SCUBE1: variants seen among roughly 807,000 people sequenced by gnomAD.
The protein encoded by SCUBE1 is signal peptide, CUB domain and EGF like domain containing 1, also known as signal peptide, CUB and EGF-like domain-containing protein 1.
In SCUBE1, 59 loss-of-function variants were observed where a neutral mutation model predicts 124.4. That is an observed-to-expected ratio of 0.47 (90% confidence interval 0.38 to 0.59). SCUBE1 has a LOEUF of 0.59. Ranked by LOEUF, SCUBE1 falls within the 20% of genes least tolerant of loss-of-function variation. SCUBE1 has a pLI of 0.00. For synonymous variants in SCUBE1, 545 were observed against 550.9 expected, an observed-to-expected ratio of 0.99 and a Z score of 0.15; for missense variants, 1,150 against 1,371.2, an observed-to-expected ratio of 0.84 and a Z score of 2.55.
At chr22:43,217,603 T>C (rs1404410541) in intron 15 of SCUBE1, among the ~76,000 whole-genome samples, 1 of 152,146 alleles carries the variant, frequency 6.6e-6, no homozygotes, top group Non-Finnish European at 1.5e-5. Flanking sequence ...TCAAGAGTGG[T>C]GTCTGCCAGG....
At chr22:43,214,375 C>T (rs1242371243) in intron 15 of SCUBE1, 124 bp from the exon 16 acceptor site, 36 of 923,372 alleles carry the variant, frequency 3.9e-5, no homozygotes, top group Non-Finnish European at 5.5e-5. Context: ...CCCAAGGACA[C>T]AGAGGGGCCC....
At chr22:43,206,121 A>C (rs1390524797) in intron 21 of SCUBE1, among the ~76,000 whole-genome samples, 32 of 37,002 alleles carry the variant, frequency 8.6e-4, no homozygotes, top group Non-Finnish European at 9.8e-4. Flanking sequence ...CCACACCCCC[A>C]CCCACTACAC....
In SCUBE1 at chr22:43,203,171, T is replaced by G. The variant is rs1172798577; in HGVS notation, c.*826A>C. On this transcript the variant is annotated 3_prime_UTR_variant, in exon 22 of 22. Coordinates refer to ENST00000360835, the MANE Select transcript of SCUBE1 (RefSeq NM_173050.5). ...AGCAAGTCCAAGGCAAGCTGTGCTC[T>G]CCCCAGCCCCAAGGGCTGCCGGCCT... 6.6e-6 allele frequency: 1 copy of G among 151,982 alleles called. No homozygotes were observed. The allele number at this position is 151,982 out of a possible 1,614,324, so 9.4% of individuals were successfully genotyped here.
At chr22:43,307,995 GTCCCCCCACCCAA>G (rs1397588577) in intron 3 of SCUBE1, among the ~76,000 whole-genome samples, 1 of 151,770 alleles carries the variant, frequency 6.6e-6, no homozygotes, top group Admixed American at 6.6e-5. Flanking sequence ...ACACCCCACA[GTCCCCCCACCCAA>G]TCCCAAGCAG....
chr22:43,341,718 G>A (rs1927322273), intron 1 of SCUBE1, among the ~76,000 whole-genome samples: 4 of 152,198 alleles, frequency 2.6e-5, no homozygotes. Context: ...TCCCGCTCCT[G>A]TCTGGGCTGG....
rs376969963 is a variant in SCUBE1, at chr22:43,210,107, C to T, written c.2517G>A (p.Val839=). Reference sequence around the variant, plus strand: ...CGATGGGCAGGAAGATCTCAGGGACCACGATGAGGATCCTGCGCTTTGGGG... The same window carrying T: ...CGATGGGCAGGAAGATCTCAGGGACTACGATGAGGATCCTGCGCTTTGGGG... ...APPPKRRILI[V]VPEIFLPIED... Residue 839 remains valine, a synonymous_variant, in exon 19 of 22, where the codon GTG becomes GTA. Transcript: ENST00000360835. This position sits in a 1 kb window ranked among gnomAD's most constrained non-coding sequence, Gnocchi z 4.5. 1.3e-5 allele frequency: 21 copies of T among 1,612,878 alleles called. No individual in the cohort carries two copies. In the African/African-American group the frequency reaches 2.5e-4, roughly 19 times the overall value.
In SCUBE1 at chr22:43,241,597, G is replaced by T. The variant is rs188574932; in HGVS notation, c.728-2643C>A. 1.6e-4 allele frequency among the ~76,000 whole-genome samples: 24 copies of T among 152,166 alleles called. No homozygotes were observed. The East Asian group carries it at 4.1e-3, about 26-fold the overall frequency. On this transcript the variant is annotated intron_variant, in intron 6 of 21. Coordinates refer to ENST00000360835, the MANE Select transcript of SCUBE1 (RefSeq NM_173050.5). ...GCTCCTCCCCCAGTGCTCCCTGTCT[G>T]CAGGAATGCTACTCCTACCTGCCCC...
intron 10 of SCUBE1, among the ~76,000 whole-genome samples, chr22:43,225,189 A>C (rs908411840): frequency 2.0e-5 from 3 of 149,036 alleles, no homozygotes; most frequent in Non-Finnish European, 4.5e-5. Context: ...TTATCGCATC[A>C]CCCCCCCACT....
At chr22:43,246,252 G>A (rs1287161628) in intron 6 of SCUBE1, among the ~76,000 whole-genome samples, 1 of 152,136 alleles carries the variant, frequency 6.6e-6, no homozygotes, top group East Asian at 1.9e-4. Flanking sequence ...GGGTGCTTAG[G>A]GCAGACAAGG....
intron 2 of SCUBE1, among the ~76,000 whole-genome samples, chr22:43,321,182 C>A (rs893477898): frequency 6.6e-6 from 1 of 152,208 alleles, no homozygotes; most frequent in Non-Finnish European, 1.5e-5. Flanking sequence ...CGGGGTCACT[C>A]CCCTATAGTG....
Position 43,293,249 on chromosome 22 carries a change from T to C in SCUBE1, c.350-2069A>G, listed in dbSNP as rs186453769. Among the ~76,000 whole-genome samples the C allele has an allele frequency of 2.6e-5, 4 of 152,360 alleles. No homozygotes were observed. The East Asian group carries it at 5.8e-4, about 22-fold the overall frequency. On this transcript the variant is annotated intron_variant, in intron 3 of 21. Transcript: ENST00000360835. The stretch of plus-strand genomic sequence containing the variant: ...AGCAAACATCTGTGAGTGTTTATTA[T>C]GTGTTAGGCGCAGGCCCACGCGATC...
At position 43,223,118 on chromosome 22, in the gene SCUBE1, C is replaced by T; in HGVS notation, c.1306G>A (p.Ala436Thr). The T allele has an allele frequency of 6.4e-7, 1 of 1,551,772 alleles. No individual in the cohort carries two copies. The highest frequency in any genetic ancestry group is 8.6e-7 in the Non-Finnish European group (1 of 1,156,260). The change falls in exon 11 of 22, where the codon GCT becomes ACT. Residue 436 changes from alanine (A) to threonine (T), a missense_variant. Physicochemically the swap from Ala to Thr is moderately conservative, Grantham distance 58 (BLOSUM62 0). Transcript: ENST00000360835. The stretch of plus-strand genomic sequence containing the variant: ...TTACCTGGCACGAAGAGTGTGTGAG[C>T]CGGGCAGGAAAGGAAGCAGCTCTCC... ...GVESCFLSCP[A>T]HTLFVPDSEN...
At chr22:43,217,772 G>A (rs938940311) in intron 15 of SCUBE1, among the ~76,000 whole-genome samples, 4 of 151,874 alleles carry the variant, frequency 2.6e-5, no homozygotes, top group African/African-American at 7.3e-5. Flanking sequence ...ACACCCGCCC[G>A]CTGGGGGCCG....
At chr22:43,220,204 G>A in intron 14 of SCUBE1, among the ~76,000 whole-genome samples, 1 of 152,196 alleles carries the variant, frequency 6.6e-6, no homozygotes, top group East Asian at 1.9e-4. Flanking sequence ...TGACTTTTGA[G>A]GTCACCTCGG....
At chr22:43,267,931 C>T (rs538868411) in intron 4 of SCUBE1, among the ~76,000 whole-genome samples, 15 of 152,324 alleles carry the variant, frequency 9.8e-5, no homozygotes, top group South Asian at 2.1e-4. Flanking sequence ...CCCTGAGGCA[C>T]GTGAGGTGCT....
chr22:43,337,745 A>T (rs1927130808), intron 2 of SCUBE1, among the ~76,000 whole-genome samples: 1 of 152,242 alleles, frequency 6.6e-6, no homozygotes, highest in African/African-American at 2.4e-5. Flanking sequence ...CACCACCAGC[A>T]TCCCAGGGAG....
intron 4 of SCUBE1, among the ~76,000 whole-genome samples, chr22:43,271,649 C>G (rs1201445731): frequency 6.6e-6 from 1 of 152,176 alleles, no homozygotes; most frequent in East Asian, 1.9e-4. Flanking sequence ...CTGTATCCCC[C>G]AGATTACATT....
rs555791683 is a variant in SCUBE1 at position 43,199,269 on chromosome 22, T to C, written c.*4728A>G. 4.6e-5 allele frequency: 8 copies of C among 175,518 alleles called. No homozygotes were observed. The highest frequency in any genetic ancestry group is 2.3e-4 in the Admixed American group (4 of 17,742). 10.9% of individuals were successfully genotyped at this position (175,518 alleles called of 1,614,324 possible). On this transcript the variant is annotated 3_prime_UTR_variant, in exon 22 of 22. Coordinates refer to ENST00000360835, the MANE Select transcript of SCUBE1 (RefSeq NM_173050.5). ...GGAATAATATTCAACTCCAAAAATG[T>C]AAATTAAGCATCGGTATGGCTTAAA...
intron 3 of SCUBE1, among the ~76,000 whole-genome samples, chr22:43,304,265 C>A (rs540598477): frequency 6.6e-6 from 1 of 152,228 alleles, no homozygotes; most frequent in Non-Finnish European, 1.5e-5. Context: ...CCATCTCCAG[C>A]GAACTTCTGT....
Sources: allele counts gnomAD v4.1 joint callset (sites outside exome capture counted in the v4.1 genomes callset), GRCh38; gene constraint gnomAD v4.1.1; non-coding constraint Gnocchi (gnomAD v3.1); transcripts MANE v1.5; gene names NCBI Gene and HGNC (gene_info 2026-07-23, HGNC 2026-07-21).